IGSF23: variants seen among roughly 807,000 people sequenced by gnomAD.
The protein encoded by IGSF23 is immunoglobulin superfamily member 23.
IGSF23 carries 14 observed loss-of-function variants against 17.8 expected under a neutral mutation model. The observed-to-expected ratio is 0.79, with a 90% CI of 0.52 to 1.23. The LOEUF (loss-of-function observed/expected upper bound fraction) is 1.23, where lower values mean the gene tolerates loss of function less well. Among genes scored for constraint, IGSF23 ranks in the 50% most tolerant of loss-of-function variants. The pLI, the probability that IGSF23 is intolerant of heterozygous loss-of-function variation, is 0.00. For missense variants in IGSF23, 214 were observed against 241.7 expected (o/e 0.89, Z 0.76); for synonymous variants, 85 against 92.5 (o/e 0.92, Z 0.46).
At position 44,622,208 on chromosome 19, in the gene IGSF23, G is replaced by GAA. The variant is rs1250112959; in HGVS notation, c.126-1484_126-1483dup. Among the ~76,000 whole-genome samples, 35 of 113,788 alleles carry GAA rather than the reference G, an allele frequency of 3.1e-4. No individual in the cohort carries two copies. The East Asian group carries it at 4.1e-3, about 13-fold the overall frequency. 74.6% of individuals were successfully genotyped at this position (113,788 alleles called of 152,430 possible). A position where few individuals can be genotyped will look rare whatever the true frequency, so the allele number is the denominator to read the frequency against. ...ATGAAAAAGCAAAACTCCGTTTCAA[G>GAA]AAAAAAAAAAAAAAAAGAGCCCAAT... On this transcript the variant is annotated intron_variant, in intron 1 of 4. Transcript: ENST00000402988.
intron 2 of IGSF23, among the ~76,000 whole-genome samples, chr19:44,625,735 C>T (rs141102984): frequency 0.011 from 1,660 of 152,242 alleles, 26 homozygotes; most frequent in African/African-American, 0.037. Context: ...TGTGTCCCCA[C>T]CCAAATCTCA....
chr19:44,616,513 T>C (rs1355690466), intron 1 of IGSF23, among the ~76,000 whole-genome samples: 4 of 151,848 alleles, frequency 2.6e-5, no homozygotes, highest in African/African-American at 9.7e-5. Flanking sequence ...CTGGCCGACA[T>C]GGTGAAACCC....
chr19:44,614,766 A>G (rs1228218938), intron 1 of IGSF23, among the ~76,000 whole-genome samples: 1 of 151,992 alleles, frequency 6.6e-6, no homozygotes, highest in Non-Finnish European at 1.5e-5. Flanking sequence ...CTATAGTAAC[A>G]TTTACCTCTT....
intron 4 of IGSF23, 57 bp downstream of exon 4, chr19:44,635,522 T>C: frequency 8.0e-7 from 1 of 1,244,672 alleles, no homozygotes; most frequent in Non-Finnish European, 1.1e-6. Flanking sequence ...AAGAAGTTCT[T>C]GGGCAGAGAC....
At position 44,635,382 on chromosome 19, in the gene IGSF23, C is replaced by A; in HGVS notation, c.546-19C>A. On this transcript the variant is annotated intron_variant, in intron 3 of 4. Transcript: ENST00000402988. ...TCTCTCTCTCTCTCTCTCTGTCTCT[C>A]TCTCTCTCTCCACTGCAGGACTGAC... The A allele has an allele frequency of 6.5e-7, 1 of 1,532,206 alleles. No individual in the cohort carries two copies. The allele number at this position is 1,532,206 out of a possible 1,614,324, so 94.9% of individuals were successfully genotyped here.
intron 3 of IGSF23, among the ~76,000 whole-genome samples, chr19:44,634,259 T>C (rs1321423209): frequency 1.3e-5 from 2 of 152,250 alleles, no homozygotes; most frequent in Non-Finnish European, 2.9e-5. Context: ...CCCTTCTTTA[T>C]CAAACTTAGA....
intron 1 of IGSF23, among the ~76,000 whole-genome samples, chr19:44,623,058 C>T (rs1972555994): frequency 6.6e-6 from 1 of 152,104 alleles, no homozygotes; most frequent in African/African-American, 2.4e-5. Flanking sequence ...CTCACTCAAT[C>T]GTAAGTTTCA....
chr19:44,632,080 G>T (rs369170412), intron 3 of IGSF23: 4 of 408,678 alleles, frequency 9.8e-6, no homozygotes, highest in Admixed American at 2.8e-5. Flanking sequence ...TGCCTGTTCT[G>T]CAATGCAATC....
At chr19:44,634,170 G>A (rs957222015) in intron 3 of IGSF23, among the ~76,000 whole-genome samples, 1 of 152,204 alleles carries the variant, frequency 6.6e-6, no homozygotes, top group African/African-American at 2.4e-5. Context: ...GGGTGTGAGG[G>A]AATGGCCTGA....
intron 2 of IGSF23, among the ~76,000 whole-genome samples, chr19:44,625,683 AGTGTGTTATTCATGGAGGGACACATG>A (rs1426364689): frequency 2.6e-5 from 4 of 152,132 alleles, no homozygotes; most frequent in Non-Finnish European, 4.4e-5. Context: ...TATTGTTTTT[AGTGTGTTATTCATGGAGGGACACATG>A]GTGATATGGT....
intron 1 of IGSF23, chr19:44,618,240 G>T: frequency 2.1e-6 from 1 of 469,824 alleles, no homozygotes. Flanking sequence ...CCAGCCAGCA[G>T]CCATGATATT....
At chr19:44,630,631 C>T (rs1183896804) in intron 3 of IGSF23, among the ~76,000 whole-genome samples, 1 of 152,248 alleles carries the variant, frequency 6.6e-6, no homozygotes, top group Non-Finnish European at 1.5e-5. Context: ...GAGCAACAGA[C>T]TCCTGGGACA....
At chr19:44,614,039 A>G in intron 1 of IGSF23, 1 of 1,406,984 alleles carries the variant, frequency 7.1e-7, no homozygotes. Flanking sequence ...CAAGGAGGAG[A>G]GTGTCTCCTT....
Position 44,613,653 on chromosome 19 carries a change from C to T in IGSF23, c.8C>T (p.Ala3Val). MR[A>V]KPQSPLPRNP... ...GGATTGTACGGTGAGAGAATGAGAG[C>T]AAAACCTCAGAGCCCCCTTCCCAGG... Residue 3 changes from alanine (A) to valine (V), a missense_variant, in exon 1 of 5, where the codon GCA (alanine) becomes GTA (valine). Transcript: ENST00000402988. The T allele has an allele frequency of 6.5e-7, 1 of 1,547,842 alleles. No homozygotes were observed. The highest frequency in any genetic ancestry group is 1.4e-5 in the African/African-American group (1 of 73,122).
chr19:44,633,954 G>C lies in IGSF23; in HGVS notation c.546-1447G>C, dbSNP rs146300805. ...AATTTGAATTTCCTCATTGTAATCT[G>C]AATCAATGACTCCTGTATGTGTTTG... On this transcript the variant is annotated intron_variant, in intron 3 of 4. Transcript: ENST00000402988. 3.0e-4 allele frequency among the ~76,000 whole-genome samples: 45 copies of C among 152,302 alleles called. No homozygotes were observed. The East Asian group carries it at 8.3e-3, about 28-fold the overall frequency.
At position 44,614,684 on chromosome 19, in the gene IGSF23, G is replaced by A. The variant is rs369434433; in HGVS notation, c.125+914G>A. Among the ~76,000 whole-genome samples the A allele has an allele frequency of 1.1e-4, 16 of 152,044 alleles. No individual in the cohort carries two copies. In the South Asian group the frequency reaches 2.7e-3, roughly 26 times the overall value. Reference sequence around the variant, plus strand: ...TGGGCTCAAGCGATCCTCCTGCCTCGGCCTCCCCAAGTGCCAGGATTACAG... The same window carrying A: ...TGGGCTCAAGCGATCCTCCTGCCTCAGCCTCCCCAAGTGCCAGGATTACAG... On this transcript the variant is annotated intron_variant, in intron 1 of 4. Coordinates refer to ENST00000402988, the MANE Select transcript of IGSF23 (RefSeq NM_001205280.2).
chr19:44,631,799 G>T (rs1241021368), intron 3 of IGSF23, among the ~76,000 whole-genome samples: 2 of 152,266 alleles, frequency 1.3e-5, no homozygotes, highest in African/African-American at 4.8e-5. Context: ...TCATGCGGTT[G>T]TTTGTGGTTT....
At chr19:44,619,547 G>A (rs965515549) in intron 1 of IGSF23, among the ~76,000 whole-genome samples, 9 of 152,218 alleles carry the variant, frequency 5.9e-5, no homozygotes, top group Non-Finnish European at 1.0e-4. Context: ...TAGTCGGCTC[G>A]GGCAAAATAC....
intron 1 of IGSF23, among the ~76,000 whole-genome samples, chr19:44,620,512 G>A (rs1188027974): frequency 4.0e-5 from 6 of 151,034 alleles, no homozygotes; most frequent in African/African-American, 7.3e-5. Context: ...GATCACAGGC[G>A]CCCGCCACCA....
Sources: allele counts gnomAD v4.1 joint callset (sites outside exome capture counted in the v4.1 genomes callset), GRCh38; gene constraint gnomAD v4.1.1; transcripts MANE v1.5; gene names NCBI Gene and HGNC (gene_info 2026-07-23, HGNC 2026-07-21).